The following ACVR2A variants were observed in gnomAD, a reference collection of about 807,000 sequenced individuals.
ACVR2A encodes activin A receptor type 2A.
In ACVR2A, 7 loss-of-function variants were observed where a neutral mutation model predicts 61.4. The ratio of observed to expected loss-of-function variants is 0.11; its 90% CI spans 0.06 to 0.21. ACVR2A has a LOEUF of 0.21. ACVR2A is among the 10% of genes least tolerant of loss of function. The pLI is 1.00. For missense variants in ACVR2A, 322 were observed against 621.7 expected, an observed-to-expected ratio of 0.52 and a Z score of 5.13; for synonymous variants, 193 against 208.3, an observed-to-expected ratio of 0.93 and a Z score of 0.63.
chr2:147,923,150 C>T (rs934940816), intron 9 of ACVR2A, 39 bp downstream of exon 9: 1 of 1,572,906 alleles, frequency 6.4e-7, no homozygotes, highest in African/African-American at 1.4e-5. Context: ...ATATATATGC[C>T]TACCACACAT....
chr2:147,868,420 G>A (rs1685928715), intron 1 of ACVR2A, among the ~76,000 whole-genome samples: 1 of 152,132 alleles, frequency 6.6e-6, no homozygotes, highest in South Asian at 2.1e-4. Context: ...AGCCTGGGAT[G>A]CCATGTTTTA....
At chr2:147,926,456 A>G (rs974776655) in intron 10 of ACVR2A, among the ~76,000 whole-genome samples, 6 of 151,952 alleles carry the variant, frequency 3.9e-5, no homozygotes, top group African/African-American at 1.4e-4. Context: ...GAAACTGTGG[A>G]TAGTTGGGTA....
chr2:147,919,324 A>C (rs1403620865), intron 7 of ACVR2A, among the ~76,000 whole-genome samples: 9 of 152,126 alleles, frequency 5.9e-5, no homozygotes, highest in Non-Finnish European at 1.0e-4. Context: ...AATGACGTCT[A>C]CCTCAGAAAT....
chr2:147,875,191 T>G (rs901520420), intron 1 of ACVR2A, among the ~76,000 whole-genome samples: 1 of 152,020 alleles, frequency 6.6e-6, no homozygotes, highest in African/African-American at 2.4e-5. Context: ...TCATTAATCA[T>G]TTAAGGTAGA....
rs1687563216 is a variant in ACVR2A, at chr2:147,928,518, T to G, written c.*1244T>G. On this transcript the variant is annotated 3_prime_UTR_variant, in exon 11 of 11. Coordinates refer to ENST00000241416, the MANE Select transcript of ACVR2A (RefSeq NM_001616.5). The stretch of plus-strand genomic sequence containing the variant: ...ATCCTAGGATAAAGATATTAAACTT[T>G]AAGCAGATTTCAGATGTTACTGCTT... 1 of 152,194 alleles carries G rather than the reference T, an allele frequency of 6.6e-6. No homozygotes were observed. The highest frequency in any genetic ancestry group is 2.4e-5 in the African/African-American group (1 of 41,338). The allele number at this position is 152,194 out of a possible 1,614,324, so 9.4% of individuals were successfully genotyped here. A position where few individuals can be genotyped will look rare whatever the true frequency, so the allele number is the denominator to read the frequency against.
At position 147,930,492 on chromosome 2, in the gene ACVR2A, A is replaced by G. The variant is rs1687655357; in HGVS notation, c.*3218A>G. ...AATTATTTATCCATTTATGGGCAAA[A>G]TGATACAAGTAGCATCTTGATTGAA... On this transcript the variant is annotated 3_prime_UTR_variant, in exon 11 of 11. Transcript: ENST00000241416. The G allele has an allele frequency of 6.6e-6, 1 of 152,390 alleles. No individual in the cohort carries two copies. Among genetic ancestry groups the G allele is most frequent in the African/African-American group, 2.4e-5 (1 of 41,384 alleles). 9.4% of individuals were successfully genotyped at this position (152,390 alleles called of 1,614,324 possible).
rs955475905 is a variant in ACVR2A at position 147,899,795 on chromosome 2, A to G, written c.425A>G (p.Tyr142Cys). ...PKPPYYNILL[Y>C]SLVPLMLIAG... is the part of the protein sequence containing the mutation. ...CCACCCTATTACAACATCCTGCTCT[A>G]TTCCTTGGTGCCACTTATGTTAATT... Residue 142 changes from tyrosine to cysteine, a missense_variant, in exon 4 of 11, where the codon TAT becomes TGT. This residue lies in a region of ACVR2A where 142 missense variants were observed against 200.3 expected (regional missense o/e 0.71). Transcript: ENST00000241416. 1 of 1,613,716 alleles carries G rather than the reference A, an allele frequency of 6.2e-7. No individual in the cohort carries two copies. Among genetic ancestry groups the G allele is most frequent in the Non-Finnish European group, 8.5e-7 (1 of 1,179,756 alleles).
intron 4 of ACVR2A, among the ~76,000 whole-genome samples, chr2:147,902,281 T>G (rs1179076312): frequency 6.6e-6 from 1 of 152,000 alleles, no homozygotes; most frequent in Admixed American, 6.6e-5. Flanking sequence ...CAGAGTTGTT[T>G]ATGTAGTAAA....
intron 1 of ACVR2A, among the ~76,000 whole-genome samples, chr2:147,872,081 T>C (rs968748959): frequency 1.3e-5 from 2 of 152,064 alleles, no homozygotes; most frequent in African/African-American, 4.8e-5. Context: ...TGAGTTAGCA[T>C]TGAAAATATG....
intron 7 of ACVR2A, among the ~76,000 whole-genome samples, chr2:147,919,617 G>A (rs1687332352): frequency 1.3e-5 from 2 of 152,136 alleles, no homozygotes; most frequent in Admixed American, 6.6e-5. Context: ...TGAGCCAGTT[G>A]AGACAGGTGT....
At chr2:147,870,540 C>T (rs1038394528) in intron 1 of ACVR2A, among the ~76,000 whole-genome samples, 3 of 152,114 alleles carry the variant, frequency 2.0e-5, no homozygotes, top group Admixed American at 1.3e-4. Flanking sequence ...GGAGTTGGCA[C>T]TAAATATTGG....
At chr2:147,913,361 C>A (rs141804838) in intron 4 of ACVR2A, among the ~76,000 whole-genome samples, 3 of 151,822 alleles carry the variant, frequency 2.0e-5, no homozygotes, top group African/African-American at 7.2e-5. Flanking sequence ...GTTATTTTTC[C>A]TCTTCAGCTT....
At chr2:147,847,779 C>CT (rs1230418455) in intron 1 of ACVR2A, among the ~76,000 whole-genome samples, 1 of 152,154 alleles carries the variant, frequency 6.6e-6, no homozygotes, top group Non-Finnish European at 1.5e-5. Context: ...TCCTCTCATA[C>CT]TTTCTCAGAT....
At chr2:147,873,791 G>A (rs558382893) in intron 1 of ACVR2A, among the ~76,000 whole-genome samples, 2 of 152,054 alleles carry the variant, frequency 1.3e-5, no homozygotes, top group South Asian at 4.1e-4. Context: ...TCTATGACAA[G>A]GCCAAAATAT....
chr2:147,928,444 G>A lies in ACVR2A; in HGVS notation c.*1170G>A, dbSNP rs570598850. On this transcript the variant is annotated 3_prime_UTR_variant, in exon 11 of 11. Coordinates refer to ENST00000241416, the MANE Select transcript of ACVR2A (RefSeq NM_001616.5). ...AACTTTATCACTATACTTCTGCTTGGTGCCATCTTGTCAGAGTAATATTTG... is the reference window on the plus strand; with the variant it reads ...AACTTTATCACTATACTTCTGCTTGATGCCATCTTGTCAGAGTAATATTTG... 6.6e-6 allele frequency: 1 copy of A among 151,968 alleles called. No homozygotes were observed. Among genetic ancestry groups the A allele is most frequent in the South Asian group, 2.1e-4 (1 of 4,810 alleles). 9.4% of individuals were successfully genotyped at this position (151,968 alleles called of 1,614,324 possible).
intron 1 of ACVR2A, among the ~76,000 whole-genome samples, chr2:147,848,575 ACC>A (rs1441273979): frequency 6.6e-6 from 1 of 152,166 alleles, no homozygotes; most frequent in Non-Finnish European, 1.5e-5. Context: ...AAAACCAAAT[ACC>A]ACATGTTCCT....
chr2:147,872,701 C>T (rs1238521416), intron 1 of ACVR2A, among the ~76,000 whole-genome samples: 2 of 151,486 alleles, frequency 1.3e-5, no homozygotes, highest in Non-Finnish European at 3.0e-5. Flanking sequence ...TCTTTTAACT[C>T]CCAGCATTTT....
At chr2:147,877,878 T>C (rs1686199455) in intron 1 of ACVR2A, among the ~76,000 whole-genome samples, 1 of 152,242 alleles carries the variant, frequency 6.6e-6, no homozygotes, top group African/African-American at 2.4e-5. Flanking sequence ...TTGCTGTGTC[T>C]TATCTATGTT....
intron 1 of ACVR2A, 60 bp downstream of exon 1, chr2:147,845,267 G>T: frequency 1.9e-6 from 3 of 1,546,946 alleles, no homozygotes; most frequent in Non-Finnish European, 2.6e-6. Context: ...GCCGCTGCTG[G>T]GGGCCGCGGC....
Sources: allele counts gnomAD v4.1 joint callset (sites outside exome capture counted in the v4.1 genomes callset), GRCh38; gene constraint gnomAD v4.1.1; regional missense constraint gnomAD v4.1.1; transcripts MANE v1.5; gene names NCBI Gene and HGNC (gene_info 2026-07-23, HGNC 2026-07-21).